DNAH14: variants seen among roughly 807,000 people sequenced by gnomAD.
DNAH14 encodes the protein dynein axonemal heavy chain 14.
DNAH14 carries 478 observed loss-of-function variants against 520.9 expected under a neutral mutation model. The ratio of observed to expected loss-of-function variants is 0.92; its 90% CI spans 0.85 to 0.99. DNAH14 has a LOEUF of 0.99. Among genes scored for constraint, DNAH14 ranks in the 50% least tolerant of loss-of-function variants. The probability of loss-of-function intolerance (pLI) is 0.00; values close to 1 mark genes in which losing one functional copy is unlikely to be tolerated. For synonymous variants in DNAH14, 1,581 were observed against 1,757.2 expected (o/e 0.90, Z 2.51); for missense variants, 4,831 against 5,234.5 (o/e 0.92, Z 2.38).
At chr1:225,211,792 T>C (rs960414639) in intron 41 of DNAH14, among the ~76,000 whole-genome samples, 3 of 152,052 alleles carry the variant, frequency 2.0e-5, no homozygotes, top group Non-Finnish European at 4.4e-5. Flanking sequence ...TAACAGTATA[T>C]CTCTCTGCAG....
intron 17 of DNAH14, among the ~76,000 whole-genome samples, chr1:225,066,549 A>G (rs139953147): frequency 0.012 from 1,879 of 151,964 alleles, 24 homozygotes; most frequent in Middle Eastern, 0.024. Flanking sequence ...TATTGGTTAC[A>G]TGGATAAGTT....
chr1:225,171,212 AG>A (rs2149225487), intron 36 of DNAH14, among the ~76,000 whole-genome samples: 1 of 152,332 alleles, frequency 6.6e-6, no homozygotes, highest in East Asian at 1.9e-4. Flanking sequence ...TAAAAGAACT[AG>A]AGAAGCAAGA....
intron 23 of DNAH14, 93 bp downstream of exon 23, chr1:225,100,977 G>T: frequency 9.4e-7 from 1 of 1,069,282 alleles, no homozygotes. Context: ...TAATTCCAGT[G>T]CAGATTTTCT....
At position 225,368,093 on chromosome 1, in the gene DNAH14, C is replaced by CT. The variant is rs1041926376; in HGVS notation, c.12318+62dup. On this transcript the variant is annotated intron_variant, in intron 77 of 85. Transcript: ENST00000682510. ...TAACAATAAGATACAAATTGAGAGC[C>CT]TACTATGTGCCTACACAAATGTGAG... is the stretch of plus-strand genomic sequence containing the variant. 1.9e-5 allele frequency: 25 copies of CT among 1,351,242 alleles called. 1 individual carries two copies. The African/African-American group carries it at 3.7e-4, about 20-fold the overall frequency. The allele number at this position is 1,351,242 out of a possible 1,614,324, so 83.7% of individuals were successfully genotyped here.
chr1:224,970,346 A>G (rs2061430817), intron 7 of DNAH14, among the ~76,000 whole-genome samples: 1 of 152,120 alleles, frequency 6.6e-6, no homozygotes, highest in South Asian at 2.1e-4. Context: ...ATCAGTGACA[A>G]TGCGTGCCCG....
At chr1:224,940,178 G>A (rs1052591931) in intron 1 of DNAH14, among the ~76,000 whole-genome samples, 3 of 152,186 alleles carry the variant, frequency 2.0e-5, no homozygotes, top group African/African-American at 7.2e-5. Context: ...GATTTGGGTG[G>A]TCATGGTCAT....
chr1:225,211,873 A>AATTAATTTATTT (rs1226840191), intron 41 of DNAH14, among the ~76,000 whole-genome samples: 73 of 147,254 alleles, frequency 5.0e-4, no homozygotes, highest in African/African-American at 1.8e-3. Flanking sequence ...TTCAACCCAG[A>AATTAATTTATTT]ATTTATTTAT....
intron 79 of DNAH14, among the ~76,000 whole-genome samples, chr1:225,378,863 G>A (rs1342276073): frequency 7.2e-6 from 1 of 138,286 alleles, no homozygotes; most frequent in African/African-American, 2.8e-5. Flanking sequence ...TGGGGTGACA[G>A]TGCAAAACTC....
intron 71 of DNAH14, among the ~76,000 whole-genome samples, chr1:225,347,132 A>G (rs1045468454): frequency 6.6e-6 from 1 of 152,218 alleles, no homozygotes; most frequent in African/African-American, 2.4e-5. Flanking sequence ...AACAGAATTT[A>G]TCATCTCAAT....
At chr1:225,252,694 C>T (rs373380205) in intron 44 of DNAH14, among the ~76,000 whole-genome samples, 10 of 152,016 alleles carry the variant, frequency 6.6e-5, no homozygotes, top group South Asian at 2.1e-4. Flanking sequence ...CCTAAGAGCA[C>T]TATTTATTTC....
chr1:225,268,428 A>T (rs893372090), intron 49 of DNAH14, among the ~76,000 whole-genome samples: 1 of 152,260 alleles, frequency 6.6e-6, no homozygotes, highest in Non-Finnish European at 1.5e-5. Context: ...CAAGACAGGG[A>T]TGCCCTCTCT....
At chr1:224,963,886 A>C (rs2060991291) in intron 4 of DNAH14, among the ~76,000 whole-genome samples, 1 of 152,148 alleles carries the variant, frequency 6.6e-6, no homozygotes, top group Non-Finnish European at 1.5e-5. Flanking sequence ...TAAGTTCTAG[A>C]GGGCCAGAAA....
At chr1:225,012,287 A>T (rs1016624513) in intron 10 of DNAH14, among the ~76,000 whole-genome samples, 1 of 152,088 alleles carries the variant, frequency 6.6e-6, no homozygotes, top group East Asian at 1.9e-4. Context: ...CCCCCACTCT[A>T]TTCTAGCATG....
intron 8 of DNAH14, among the ~76,000 whole-genome samples, chr1:224,977,807 G>A (rs1311255921): frequency 6.6e-6 from 1 of 152,094 alleles, no homozygotes; most frequent in Non-Finnish European, 1.5e-5. Flanking sequence ...ATATAAAGGG[G>A]ACTCAAACAA....
chr1:225,034,670 C>A (rs550378315), intron 11 of DNAH14, among the ~76,000 whole-genome samples: 2 of 151,944 alleles, frequency 1.3e-5, no homozygotes, highest in Non-Finnish European at 2.9e-5. Context: ...CTTCTTGGTA[C>A]ATCTGCTAGA....
At chr1:225,117,372 T>A (rs12027336) in intron 23 of DNAH14, among the ~76,000 whole-genome samples, 1,639 of 150,648 alleles carry the variant, frequency 0.011, 22 homozygotes, top group East Asian at 0.049. Context: ...TAATAATAAT[T>A]ATTATTATTA....
chr1:225,097,836 C>T (rs548387531), intron 22 of DNAH14, among the ~76,000 whole-genome samples: 12 of 151,638 alleles, frequency 7.9e-5, no homozygotes, highest in Admixed American at 6.6e-4. Flanking sequence ...GTGTTTCTTT[C>T]GTTCTGGAAT....
rs1252324472 is a variant in DNAH14, at chr1:225,399,163, G to C, written c.13748G>C (p.Gly4583Ala). Residue 4583 changes from glycine (G) to alanine (A), a missense_variant, in exon 86 of 86, where the codon GGT becomes GCT. Gly to Ala is a moderately conservative substitution (Grantham distance 60). Coordinates refer to ENST00000682510, the MANE Select transcript of DNAH14 (RefSeq NM_001367479.1). The stretch of plus-strand genomic sequence containing the variant: ...AGGTCAAGAATTTTGGCAACTACCG[G>C]TTTACCAACAAACTTTTTAACATCA... The part of the protein sequence containing the change: ...PERSRILATT[G>A]LPTNFLTSVY... The C allele has an allele frequency of 2.6e-6, 4 of 1,551,364 alleles. No individual in the cohort carries two copies. In the African/African-American group the frequency reaches 4.1e-5, roughly 16 times the overall value.
At chr1:225,061,296 C>T (rs12085758) in intron 17 of DNAH14, among the ~76,000 whole-genome samples, 8,127 of 152,268 alleles carry the variant, frequency 0.053, 630 homozygotes, top group African/African-American at 0.17. Context: ...GCTCCGTGGG[C>T]GTAGGACCCT....
Sources: gnomAD v4.1 joint callset for allele counts (sites outside exome capture counted in the v4.1 genomes callset) on GRCh38, gnomAD v4.1.1 for gene constraint, MANE v1.5 for transcripts, NCBI Gene and HGNC (gene_info 2026-07-23, HGNC 2026-07-21) for gene names.